Variants in PHACTR2 observed in about 807,000 individuals in gnomAD.
PHACTR2 encodes phosphatase and actin regulator 2.
In PHACTR2, 30 loss-of-function variants were observed where a neutral mutation model predicts 76.0. That is an observed-to-expected ratio of 0.39 (90% CI 0.30 to 0.54). The LOEUF is 0.54. Among genes scored for constraint, PHACTR2 ranks in the 20% least tolerant of loss-of-function variants. The pLI, the probability that PHACTR2 is intolerant of heterozygous loss-of-function variation, is 0.61. For missense variants in PHACTR2, 696 were observed against 781.1 expected, an observed-to-expected ratio of 0.89 and a Z score of 1.30; for synonymous variants, 292 against 292.5, an observed-to-expected ratio of 1.00 and a Z score of 0.02.
At chr6:143,603,721 T>A (rs962029049), upstream of PHACTR2, among the ~76,000 whole-genome samples, 2 of 152,214 alleles carry the variant, frequency 1.3e-5, no homozygotes, top group Non-Finnish European at 2.9e-5. Flanking sequence ...GTTTAGTACC[T>A]TGGAGAGCTA....
At position 143,772,811 on chromosome 6, in the gene PHACTR2, A is replaced by G. The variant is rs1445321833; in HGVS notation, c.1432+354A>G. Among the ~76,000 whole-genome samples the G allele has an allele frequency of 6.6e-6, 1 of 152,248 alleles. No homozygotes were observed. The highest frequency in any genetic ancestry group is 2.4e-5 in the African/African-American group (1 of 41,458). The stretch of plus-strand genomic sequence containing the variant: ...ACTCTGGGCCTGTTGTTGAAGAAAG[A>G]AAGTCAGTGCAGATTCATAGGCTTA... On this transcript the variant is annotated intron_variant, in intron 7 of 12. Transcript: ENST00000440869. The surrounding 1 kb of genome is among the most constrained non-coding windows in gnomAD (Gnocchi z 5.4).
At position 143,820,114 on chromosome 6, in the gene PHACTR2, G is replaced by C. The variant is rs770742507; in HGVS notation, c.1923-3560G>C. On this transcript the variant is annotated intron_variant, in intron 12 of 12. Coordinates refer to ENST00000440869, the MANE Select transcript of PHACTR2 (RefSeq NM_001100164.2). This position sits in a 1 kb window ranked among gnomAD's most constrained non-coding sequence, Gnocchi z 4.2. Reference sequence around the variant, plus strand: ...TCACAAAGACAGTACCAAGCCATAGGGATCCACCCCCAGGACCCAAACACC... The same window carrying C: ...TCACAAAGACAGTACCAAGCCATAGCGATCCACCCCCAGGACCCAAACACC... Among the ~76,000 whole-genome samples the C allele has an allele frequency of 4.6e-5, 7 of 152,004 alleles. No individual in the cohort carries two copies. The highest frequency in any genetic ancestry group is 1.0e-4 in the Non-Finnish European group (7 of 67,994).
intron 2 of PHACTR2, among the ~76,000 whole-genome samples, chr6:143,724,429 G>A (rs868781075): frequency 3.9e-5 from 6 of 152,190 alleles, no homozygotes; most frequent in Non-Finnish European, 8.8e-5. Context: ...ACCGCGCCCA[G>A]CCTAATTCTT....
rs1295602270 is a variant in PHACTR2, at chr6:143,616,200, A to G, written c.13+7878A>G. Among the ~76,000 whole-genome samples the G allele has an allele frequency of 6.6e-6, 1 of 152,174 alleles. No individual in the cohort carries two copies. The highest frequency in any genetic ancestry group is 2.4e-5 in the African/African-American group (1 of 41,444). On this transcript the variant is annotated intron_variant, in intron 1 of 11. Transcript: ENST00000305766. This position sits in a 1 kb window ranked among gnomAD's most constrained non-coding sequence, Gnocchi z 4.9. ...ATTTTGAATTTTTTTCACATAAACC[A>G]ATTTTTTCCAAATATTTAATCTTCT...
chr6:143,711,570 T>G (rs947099212), intron 1 of PHACTR2, among the ~76,000 whole-genome samples: 1 of 152,366 alleles, frequency 6.6e-6, no homozygotes, highest in East Asian at 1.9e-4. Context: ...TGGCACCAAA[T>G]TTTATTTTGT....
chr6:143,646,316 C>T lies in PHACTR2; in HGVS notation c.13+37994C>T, dbSNP rs1472582542. The stretch of plus-strand genomic sequence containing the variant: ...AAAAACTCTATCCCACTTTAAAACT[C>T]CTAAATAGAACAAGCATTTATCTAA... On this transcript the variant is annotated intron_variant, in intron 1 of 11. Coordinates refer to the PHACTR2 transcript ENST00000305766. This position sits in a 1 kb window ranked among gnomAD's most constrained non-coding sequence, Gnocchi z 4.1. 6.6e-6 allele frequency among the ~76,000 whole-genome samples: 1 copy of T among 152,090 alleles called. No individual in the cohort carries two copies. The highest frequency in any genetic ancestry group is 6.5e-5 in the Admixed American group (1 of 15,268).
chr6:143,756,199 C>A (rs938972570), intron 4 of PHACTR2, among the ~76,000 whole-genome samples: 20 of 152,224 alleles, frequency 1.3e-4, no homozygotes, highest in African/African-American at 4.8e-4. Context: ...AAACAAATGG[C>A]ACGTGGTGTC....
intron 1 of PHACTR2, among the ~76,000 whole-genome samples, chr6:143,594,355 T>A (rs1456668445): frequency 6.6e-6 from 1 of 152,250 alleles, no homozygotes; most frequent in Non-Finnish European, 1.5e-5. Context: ...CACACTATGA[T>A]GTCTCAGAGC....
rs923835238 is a variant in PHACTR2 at position 143,772,495 on chromosome 6, G to C, written c.1432+38G>C. 6 of 1,478,100 alleles carry C rather than the reference G, an allele frequency of 4.1e-6. No individual in the cohort carries two copies. In the African/African-American group the frequency reaches 8.3e-5, roughly 21 times the overall value. 91.6% of individuals were successfully genotyped at this position (1,478,100 alleles called of 1,614,324 possible). ...TCAAGAGGCAGGGAGGAGCGTGGGT[G>C]ATAAGCAGAAGCAGCTGCAGTTTAT... On this transcript the variant is annotated intron_variant, in intron 7 of 12. Coordinates refer to ENST00000440869, the MANE Select transcript of PHACTR2 (RefSeq NM_001100164.2). This position sits in a 1 kb window ranked among gnomAD's most constrained non-coding sequence, Gnocchi z 5.4.
rs1775448632 is a variant in PHACTR2 at position 143,571,720 on chromosome 6, T to TTG, written c.217+34513_217+34514insTG. ...TTACTCCTGTGTCCATTTGCCATGC[T>TTG]CCCATCATTAAAAAAATCATTTCCT... On this transcript the variant is annotated intron_variant, in intron 1 of 11. Coordinates refer to the PHACTR2 transcript ENST00000367584. The surrounding 1 kb of genome is among the most constrained non-coding windows in gnomAD (Gnocchi z 4.6). Among the ~76,000 whole-genome samples, 1 of 152,142 alleles carries TTG rather than the reference T, an allele frequency of 6.6e-6. No individual in the cohort carries two copies. The highest frequency in any genetic ancestry group is 2.4e-5 in the African/African-American group (1 of 41,424).
At chr6:143,781,192 A>G (rs914538666) in intron 9 of PHACTR2, among the ~76,000 whole-genome samples, 2 of 152,226 alleles carry the variant, frequency 1.3e-5, no homozygotes, top group African/African-American at 4.8e-5. Flanking sequence ...TAACTTCACT[A>G]AAAGTACAAT....
At chr6:143,712,396 T>G (rs1441756268) in intron 2 of PHACTR2, 1 of 221,444 alleles carries the variant, frequency 4.5e-6, no homozygotes, top group Non-Finnish European at 8.6e-6. Flanking sequence ...AATATATTCT[T>G]ATTTAAAAAT....
chr6:143,634,797 C>T (rs538700081), intron 1 of PHACTR2, among the ~76,000 whole-genome samples: 1 of 147,402 alleles, frequency 6.8e-6, no homozygotes, highest in African/African-American at 2.5e-5. Flanking sequence ...CTATGGCTAG[C>T]AAATGAAACA....
At chr6:143,804,221 G>A (rs980732798) in intron 11 of PHACTR2, among the ~76,000 whole-genome samples, 2 of 152,274 alleles carry the variant, frequency 1.3e-5, no homozygotes, top group South Asian at 2.1e-4. Flanking sequence ...TTCACTAACC[G>A]TCGGTGCCTT....
In PHACTR2 at chr6:143,772,240, C is replaced by T; in HGVS notation, c.1233-18C>T. 2 of 1,598,818 alleles carry T rather than the reference C, an allele frequency of 1.3e-6. No individual in the cohort carries two copies. The highest frequency in any genetic ancestry group is 1.7e-6 in the Non-Finnish European group (2 of 1,166,154). On this transcript the variant is annotated intron_variant, in intron 6 of 12. Transcript: ENST00000440869. The surrounding 1 kb of genome is among the most constrained non-coding windows in gnomAD (Gnocchi z 5.4). ...CTCTGAGCTTCACATCACTCCCATG[C>T]TTTTCTGCCTTTAACAGTTTCACAA...
chr6:143,547,390 T>C lies in PHACTR2; in HGVS notation c.217+10183T>C, dbSNP rs542591694. Among the ~76,000 whole-genome samples the C allele has an allele frequency of 4.3e-4, 65 of 152,290 alleles. No individual in the cohort carries two copies. The highest frequency in any genetic ancestry group is 1.4e-3 in the African/African-American group (59 of 41,540). The stretch of plus-strand genomic sequence containing the variant: ...TTGTCTCCCAGCATGATTATTTTGG[T>C]GGGAATAACAATCATTTGGACAGCT... On this transcript the variant is annotated intron_variant, in intron 1 of 11. Transcript: ENST00000367584. This position sits in a 1 kb window ranked among gnomAD's most constrained non-coding sequence, Gnocchi z 4.2.
chr6:143,624,306 C>G lies in PHACTR2; in HGVS notation c.13+15984C>G, dbSNP rs1287174261. On this transcript the variant is annotated intron_variant, in intron 1 of 11. Coordinates refer to the PHACTR2 transcript ENST00000305766. The surrounding 1 kb of genome is among the most constrained non-coding windows in gnomAD (Gnocchi z 4.6). ...ATTTTTAGGCGAGACAGGGTTTCCC[C>G]CTGTTGGCCAGGCTGGTCTCGAACT... Among the ~76,000 whole-genome samples the G allele has an allele frequency of 6.6e-6, 1 of 152,098 alleles. No individual in the cohort carries two copies. Among genetic ancestry groups the G allele is most frequent in the Non-Finnish European group, 1.5e-5 (1 of 68,022 alleles).
rs930812403 is a variant in PHACTR2, at chr6:143,640,696, A to AT, written c.13+32380dup. Among the ~76,000 whole-genome samples, 8 of 152,176 alleles carry AT rather than the reference A, an allele frequency of 5.3e-5. No individual in the cohort carries two copies. In the South Asian group the frequency reaches 1.2e-3, roughly 24 times the overall value. On this transcript the variant is annotated intron_variant, in intron 1 of 11. Transcript: ENST00000305766. ...ACTTAATCTGAAAAATGCTAAAAGT[A>AT]TTTTTTCAAATACAAGGGACATTCT... is the stretch of plus-strand genomic sequence containing the variant.
rs1181705281 is a variant in PHACTR2 at position 143,624,921 on chromosome 6, C to T, written c.13+16599C>T. Among the ~76,000 whole-genome samples the T allele has an allele frequency of 2.6e-5, 4 of 151,910 alleles. No homozygotes were observed. The highest frequency in any genetic ancestry group is 4.8e-5 in the African/African-American group (2 of 41,350). On this transcript the variant is annotated intron_variant, in intron 1 of 11. Coordinates refer to the PHACTR2 transcript ENST00000305766. The surrounding 1 kb of genome is among the most constrained non-coding windows in gnomAD (Gnocchi z 4.6). ...CTGTAATCCCAGTACTTTGGGAGGCCGAGGCGGGCGGATCATTTGAGGTCA... is the reference window on the plus strand; with the variant it reads ...CTGTAATCCCAGTACTTTGGGAGGCTGAGGCGGGCGGATCATTTGAGGTCA...
Sources: gnomAD v4.1 joint callset for allele counts (sites outside exome capture counted in the v4.1 genomes callset) on GRCh38, gnomAD v4.1.1 for gene constraint, Gnocchi (gnomAD v3.1) non-coding constraint, MANE v1.5 for transcripts, NCBI Gene and HGNC (gene_info 2026-07-23, HGNC 2026-07-21) for gene names.